RARB: variants seen among roughly 807,000 people sequenced by gnomAD.
RARB encodes the protein retinoic acid receptor beta, also known as HBV-activated protein.
In RARB, 17 loss-of-function variants were observed where a neutral mutation model predicts 51.9. That is an observed-to-expected ratio of 0.33 (90% CI 0.22 to 0.49). The LOEUF (loss-of-function observed/expected upper bound fraction) is 0.49. RARB is among the 20% of genes least tolerant of loss of function. RARB has a pLI of 0.99. For synonymous variants in RARB, 215 were observed against 195.4 expected (o/e 1.10, Z -0.84); for missense variants, 369 against 550.8 (o/e 0.67, Z 3.30).
At chr3:24,970,023 T>C (rs1206871896) in intron 2 of RARB, among the ~76,000 whole-genome samples, 2 of 152,034 alleles carry the variant, frequency 1.3e-5, no homozygotes, top group East Asian at 1.9e-4. Context: ...ACAAACGTTA[T>C]ATAAAGGAGC....
At chr3:25,003,075 T>A (rs1213476158) in intron 2 of RARB, among the ~76,000 whole-genome samples, 2 of 152,218 alleles carry the variant, frequency 1.3e-5, no homozygotes, top group African/African-American at 4.8e-5. Context: ...ATTTTTGGTA[T>A]TATATATAAT....
At chr3:25,068,133 CAAAAAAAAAAAAAAAAAAAAAAAAAAAAA>C (rs55826425) in intron 3 of RARB, among the ~76,000 whole-genome samples, 1 of 33,250 alleles carries the variant, frequency 3.0e-5, no homozygotes, top group Non-Finnish European at 5.3e-5. Context: ...GACTCCATCT[CAAAAAAAAAAAAAAAAAAAAAAAAAAAAA>C]AAAAAAAAAA....
At chr3:25,196,687 A>G (rs180788381) in intron 5 of RARB, among the ~76,000 whole-genome samples, 1 of 152,178 alleles carries the variant, frequency 6.6e-6, no homozygotes, top group Non-Finnish European at 1.5e-5. Context: ...AGTCCCACCA[A>G]CAGTGTAAAG....
At chr3:25,191,147 CCATGAAAAA>C (rs1701094320) in intron 5 of RARB, among the ~76,000 whole-genome samples, 1 of 152,010 alleles carries the variant, frequency 6.6e-6, no homozygotes, top group South Asian at 2.1e-4. Flanking sequence ...GCATTTTAGT[CCATGAAAAA>C]AATAGGGGAA....
At chr3:24,940,196 C>T (rs1173134480) in intron 2 of RARB, among the ~76,000 whole-genome samples, 2 of 152,032 alleles carry the variant, frequency 1.3e-5, no homozygotes, top group African/African-American at 2.4e-5. Context: ...TGTGGCACAT[C>T]GTTTCATCTT....
intron 5 of RARB, among the ~76,000 whole-genome samples, chr3:25,257,483 T>A (rs568933938): frequency 6.6e-6 from 1 of 152,184 alleles, no homozygotes; most frequent in South Asian, 2.1e-4. Flanking sequence ...TCTCTGTGTC[T>A]AGGAGAAGAA....
chr3:25,242,192 A>G (rs552991083), intron 5 of RARB, among the ~76,000 whole-genome samples: 1 of 151,910 alleles, frequency 6.6e-6, no homozygotes, highest in Non-Finnish European at 1.5e-5. Flanking sequence ...TTCCTTGTAG[A>G]TTCTGGATAT....
intron 3 of RARB, among the ~76,000 whole-genome samples, chr3:25,514,428 G>C (rs1250122280): frequency 6.6e-6 from 1 of 151,930 alleles, no homozygotes; most frequent in Non-Finnish European, 1.5e-5. Flanking sequence ...GTTTTCTCAG[G>C]AGAAGGAAAG....
chr3:25,337,766 T>C (rs2125448909), intron 5 of RARB, among the ~76,000 whole-genome samples: 1 of 152,242 alleles, frequency 6.6e-6, no homozygotes, highest in Non-Finnish European at 1.5e-5. Flanking sequence ...CCTGAAATTA[T>C]AAATACCTTT....
chr3:25,104,409 A>G (rs1468198585), intron 3 of RARB, among the ~76,000 whole-genome samples: 1 of 152,108 alleles, frequency 6.6e-6, no homozygotes, highest in Non-Finnish European at 1.5e-5. Flanking sequence ...GTGGAGGGAG[A>G]GCGGTGCAGA....
At chr3:24,832,990 C>T (rs905078439) in intron 1 of RARB, 1 of 152,138 alleles carries the variant, frequency 6.6e-6, no homozygotes, top group South Asian at 2.1e-4. Context: ...TTCTTTTCTC[C>T]GTGTCATTGT....
At chr3:25,134,296 C>A (rs1465563600) in intron 4 of RARB, among the ~76,000 whole-genome samples, 1 of 151,848 alleles carries the variant, frequency 6.6e-6, no homozygotes, top group African/African-American at 2.4e-5. Context: ...TTCAGAAGTT[C>A]TTAAATGGCA....
At chr3:25,331,517 T>C (rs574488317) in intron 5 of RARB, among the ~76,000 whole-genome samples, 25 of 152,236 alleles carry the variant, frequency 1.6e-4, no homozygotes, top group African/African-American at 4.8e-4. Context: ...CTGGGACACA[T>C]GTAAAGCAGT....
chr3:25,580,163 A>G (rs990977642), intron 4 of RARB, among the ~76,000 whole-genome samples: 1 of 152,124 alleles, frequency 6.6e-6, no homozygotes, highest in African/African-American at 2.4e-5. Context: ...TCATGAGGTC[A>G]GGAGATCGAG....
In RARB at chr3:25,501,239, A is replaced by G; in HGVS notation, c.364A>G (p.Asn122Asp). The change falls in exon 3 of 8, where the codon AAC (asparagine) becomes GAC (aspartate). Residue 122 changes from asparagine (N) to aspartate (D), a missense_variant. This residue lies in a region of RARB where 26 missense variants were observed against 28.8 expected (regional missense o/e 0.90). Transcript: ENST00000330688. ...NMIYTCHRDK[N>D]CVINKVTRNR... is the part of the protein sequence containing the mutation. ...GATTTACACTTGTCACCGAGATAAG[A>G]ACTGTGTTATTAATAAAGTCACCAG... The G allele has an allele frequency of 6.2e-7, 1 of 1,611,510 alleles. No homozygotes were observed.
chr3:25,265,923 C>T (rs980780548), intron 5 of RARB, among the ~76,000 whole-genome samples: 1 of 152,122 alleles, frequency 6.6e-6, no homozygotes, highest in African/African-American at 2.4e-5. Flanking sequence ...CTAGAAGCCA[C>T]CCACATTCAT....
chr3:25,059,993 A>G (rs1414107231), intron 2 of RARB: 1 of 151,784 alleles, frequency 6.6e-6, no homozygotes, highest in Non-Finnish European at 1.5e-5. Context: ...GATCCCTGGC[A>G]AGCATCTTTC....
At chr3:25,179,733 T>G (rs894140744) in intron 5 of RARB, among the ~76,000 whole-genome samples, 1 of 152,182 alleles carries the variant, frequency 6.6e-6, no homozygotes, top group Middle Eastern at 3.2e-3. Flanking sequence ...CAGAGTCATG[T>G]GTATTTAAGA....
At chr3:25,383,424 T>C (rs1706689414) in intron 5 of RARB, among the ~76,000 whole-genome samples, 2 of 152,222 alleles carry the variant, frequency 1.3e-5, no homozygotes, top group Admixed American at 1.3e-4. Flanking sequence ...TGGCAGCCCC[T>C]GTATTGATAG....
Sources: gnomAD v4.1 joint callset for allele counts (sites outside exome capture counted in the v4.1 genomes callset) on GRCh38, gnomAD v4.1.1 for gene constraint, gnomAD v4.1.1 regional missense constraint, MANE v1.5 for transcripts, NCBI Gene and HGNC (gene_info 2026-07-23, HGNC 2026-07-21) for gene names.